Variants in WWOX observed in about 807,000 individuals in gnomAD.
The protein encoded by WWOX is WW domain containing oxidoreductase.
Under a neutral mutation model 46.2 loss-of-function variants are expected in WWOX, and 69 were observed. The observed-to-expected ratio is 1.49, with a 90% confidence interval of 1.23 to 1.82. WWOX has a LOEUF of 1.82. Ranked by LOEUF, WWOX falls within the 40% of genes most tolerant of loss-of-function variation. The pLI, the probability that WWOX is intolerant of heterozygous loss-of-function variation, is 0.00. For missense variants in WWOX, 919 were observed against 542.6 expected (o/e 1.69, Z -6.89); for synonymous variants, 359 against 202.6 (o/e 1.77, Z -6.56).
chr16:78,721,449 G>C (rs553674777), intron 8 of WWOX, among the ~76,000 whole-genome samples: 66 of 152,286 alleles, frequency 4.3e-4, no homozygotes, highest in African/African-American at 1.5e-3. Flanking sequence ...TCAGCTGTCA[G>C]ACAAAGTGTT....
At chr16:78,526,718 C>T (rs1162700442) in intron 8 of WWOX, among the ~76,000 whole-genome samples, 1 of 152,158 alleles carries the variant, frequency 6.6e-6, no homozygotes, top group East Asian at 1.9e-4. Context: ...GACCTGTGAC[C>T]ATCTCCAAGT....
At chr16:78,798,531 T>C (rs986611759) in intron 8 of WWOX, among the ~76,000 whole-genome samples, 5 of 151,876 alleles carry the variant, frequency 3.3e-5, no homozygotes, top group Non-Finnish European at 7.4e-5. Flanking sequence ...AAGCATCTTA[T>C]CATTCACAAG....
At chr16:78,793,797 TG>T (rs2050669571) in intron 8 of WWOX, among the ~76,000 whole-genome samples, 1 of 151,938 alleles carries the variant, frequency 6.6e-6, no homozygotes, top group East Asian at 1.9e-4. Context: ...AATTTTTGGC[TG>T]GGCAAGGTGG....
intron 8 of WWOX, among the ~76,000 whole-genome samples, chr16:79,133,256 T>C (rs1028455193): frequency 3.9e-5 from 6 of 152,236 alleles, no homozygotes; most frequent in African/African-American, 1.2e-4. Flanking sequence ...CTTCATCTTC[T>C]GACCTTCCCC....
At chr16:79,042,412 A>G (rs915213307) in intron 8 of WWOX, among the ~76,000 whole-genome samples, 2 of 152,168 alleles carry the variant, frequency 1.3e-5, no homozygotes, top group Non-Finnish European at 2.9e-5. Context: ...TTTTGCCAAG[A>G]GACAGAGTCT....
intron 8 of WWOX, among the ~76,000 whole-genome samples, chr16:78,661,671 C>T (rs747797146): frequency 6.0e-5 from 9 of 151,048 alleles, no homozygotes; most frequent in Non-Finnish European, 1.3e-4. Context: ...GGGCTCTGTG[C>T]ATGGAATGGG....
chr16:78,192,282 G>T (rs1177025373), intron 5 of WWOX, among the ~76,000 whole-genome samples: 1 of 152,078 alleles, frequency 6.6e-6, no homozygotes, highest in Admixed American at 6.6e-5. Context: ...ATCACATGAG[G>T]TCAGGAATTC....
intron 8 of WWOX, among the ~76,000 whole-genome samples, chr16:78,511,037 A>C (rs1406195315): frequency 6.6e-6 from 1 of 152,230 alleles, no homozygotes; most frequent in African/African-American, 2.4e-5. Flanking sequence ...TGGGCTGCTC[A>C]GCGTGCCTGG....
intron 8 of WWOX, among the ~76,000 whole-genome samples, chr16:78,907,765 C>A (rs189304078): frequency 2.0e-5 from 3 of 152,118 alleles, no homozygotes; most frequent in African/African-American, 7.2e-5. Flanking sequence ...CTGAGGAGAT[C>A]CCATTTCAAC....
chr16:78,349,928 G>A (rs544262044), intron 5 of WWOX, among the ~76,000 whole-genome samples: 1 of 121,040 alleles, frequency 8.3e-6, no homozygotes, highest in East Asian at 1.9e-4. Context: ...TTGTGTTATG[G>A]AAGTGTTCTC....
At chr16:78,123,831 G>T (rs1413676956) in intron 4 of WWOX, 1 of 152,020 alleles carries the variant, frequency 6.6e-6, no homozygotes. Context: ...ATAATTTATT[G>T]TAATTAAATT....
chr16:78,386,798 C>G (rs936478056), intron 5 of WWOX, 62 bp from the exon 6 acceptor site: 2 of 1,439,056 alleles, frequency 1.4e-6, no homozygotes, highest in Non-Finnish European at 2.0e-6. Flanking sequence ...TTTACTGTAA[C>G]TTGATACCAT....
chr16:78,741,613 G>C (rs970169019), intron 8 of WWOX, among the ~76,000 whole-genome samples: 11 of 152,132 alleles, frequency 7.2e-5, no homozygotes, highest in Non-Finnish European at 1.3e-4. Flanking sequence ...CCAGCACTTT[G>C]GGAGGCTGAG....
intron 8 of WWOX, among the ~76,000 whole-genome samples, chr16:78,778,151 C>T (rs558907809): frequency 6.6e-6 from 1 of 152,170 alleles, no homozygotes; most frequent in East Asian, 1.9e-4. Flanking sequence ...TGATCCCCAC[C>T]CCAAGTCACA....
At chr16:79,011,828 T>C (rs910848703) in intron 8 of WWOX, among the ~76,000 whole-genome samples, 9 of 151,994 alleles carry the variant, frequency 5.9e-5, no homozygotes, top group Non-Finnish European at 1.0e-4. Flanking sequence ...AAAAACTCTT[T>C]TGTGTTTTAG....
At position 78,948,706 on chromosome 16, in the gene WWOX, G is replaced by A. The variant is rs534360187; in HGVS notation, c.1057-262902G>A. Among the ~76,000 whole-genome samples, 5 of 152,244 alleles carry A rather than the reference G, an allele frequency of 3.3e-5. No individual in the cohort carries two copies. In the East Asian group the frequency reaches 7.7e-4, roughly 24 times the overall value. ...GGAGCCACTTTTGGGGCTGGTGGTA[G>A]GCAGAACTTTGGCCCTCGACATCTC... On this transcript the variant is annotated intron_variant, in intron 8 of 8. Transcript: ENST00000566780.
intron 8 of WWOX, among the ~76,000 whole-genome samples, chr16:79,175,434 G>C (rs909588966): frequency 2.0e-5 from 3 of 152,216 alleles, no homozygotes; most frequent in Admixed American, 6.5e-5. Flanking sequence ...CGGCCACAAA[G>C]CTGTGGCTCT....
At chr16:78,691,329 C>T in intron 8 of WWOX, 1 of 699,986 alleles carries the variant, frequency 1.4e-6, no homozygotes, top group Non-Finnish European at 2.6e-6. Flanking sequence ...ACAATTATTT[C>T]ATTTTCAACA....
Position 78,123,163 on chromosome 16 carries a change from C to G in WWOX, c.409+8009C>G, listed in dbSNP as rs1054234251. 4.0e-5 allele frequency: 6 copies of G among 150,524 alleles called. No individual in the cohort carries two copies. In the East Asian group the frequency reaches 1.0e-3, roughly 26 times the overall value. 9.3% of individuals were successfully genotyped at this position (150,524 alleles called of 1,614,324 possible). A position where few individuals can be genotyped will look rare whatever the true frequency, so the allele number is the denominator to read the frequency against. ...ACTGTTACTAGTGTCGTGTTTGTTT[C>G]TTTTTCTCTCTCTTTTGTTTTGTTT... On this transcript the variant is annotated intron_variant, in intron 4 of 8. Coordinates refer to ENST00000566780, the MANE Select transcript of WWOX (RefSeq NM_016373.4).
Sources: allele counts gnomAD v4.1 joint callset (sites outside exome capture counted in the v4.1 genomes callset), GRCh38; gene constraint gnomAD v4.1.1; transcripts MANE v1.5; gene names NCBI Gene and HGNC (gene_info 2026-07-23, HGNC 2026-07-21).